Variants in RAPH1 observed in about 807,000 individuals in gnomAD.
The protein encoded by RAPH1 is ras-associated and pleckstrin homology domains-containing protein 1.
A neutral mutation model predicts 88.1 loss-of-function variants in RAPH1; 18 were observed. That is an observed-to-expected ratio of 0.20 (90% confidence interval 0.14 to 0.30). The LOEUF is 0.30. Ranked by LOEUF, RAPH1 falls within the 10% of genes least tolerant of loss-of-function variation. The pLI, the probability that RAPH1 is intolerant of heterozygous loss-of-function variation, is 1.00. For missense variants in RAPH1, 1,448 were observed against 1,543.2 expected (o/e 0.94, Z 1.03); for synonymous variants, 587 against 559.0 (o/e 1.05, Z -0.71).
At position 203,440,076 on chromosome 2, in the gene RAPH1, A is replaced by G. The variant is rs372546286; in HGVS notation, c.3114T>C (p.Pro1038=). Reference sequence around the variant, plus strand: ...ACACACACCCTTGTTGGAGAACTCCAGGAAGGTTGACTCCAGAAAGATTGA... The same window carrying G: ...ACACACACCCTTGTTGGAGAACTCCGGGAAGGTTGACTCCAGAAAGATTGA... The part of the protein sequence containing the change: ...GKLNLSGVNL[P]GVLQQGCVSA... The change falls in exon 14 of 14, where the codon CCT becomes CCC. Residue 1038 remains proline (P), a synonymous_variant. Transcript: ENST00000319170. 6.2e-6 allele frequency: 10 copies of G among 1,613,488 alleles called. No homozygotes were observed. The African/African-American group carries it at 1.2e-4, about 19-fold the overall frequency.
chr2:203,523,953 G>A (rs558831758), intron 1 of RAPH1, among the ~76,000 whole-genome samples: 65 of 152,226 alleles, frequency 4.3e-4, no homozygotes, highest in African/African-American at 1.4e-3. Context: ...GCAGTGAGCC[G>A]AGATCACGCC....
At chr2:203,474,238 G>A (rs2098535492) in intron 4 of RAPH1, among the ~76,000 whole-genome samples, 1 of 152,174 alleles carries the variant, frequency 6.6e-6, no homozygotes, top group Admixed American at 6.5e-5. Context: ...AGGAATTTCA[G>A]AAAATGTTAA....
intron 9 of RAPH1, 58 bp from the exon 10 acceptor site, chr2:203,454,598 A>T (rs1230382416): frequency 1.6e-6 from 2 of 1,246,228 alleles, no homozygotes; most frequent in Non-Finnish European, 2.3e-6. Flanking sequence ...AAGCAAATAT[A>T]CCTGGTTAAC....
intron 4 of RAPH1, among the ~76,000 whole-genome samples, chr2:203,468,723 A>C (rs967924950): frequency 2.6e-5 from 4 of 152,208 alleles, no homozygotes; most frequent in African/African-American, 7.2e-5. Context: ...TTGAATTGGC[A>C]ATGAAAATGG....
chr2:203,491,229 T>C lies in RAPH1; in HGVS notation c.211A>G (p.Ile71Val), dbSNP rs1230589638. 6 of 1,609,326 alleles carry C rather than the reference T, an allele frequency of 3.7e-6. No individual in the cohort carries two copies. Among genetic ancestry groups the C allele is most frequent in the Admixed American group, 1.7e-5 (1 of 59,984 alleles). ...TACATCTTACCATTCAAGTTGTATA[T>C]GGAGAAGCGGTAAGAAAAGTTGGCC... ...NMANFSYRFSIYNLNEALNQG... is the reference protein window; with the variant it reads ...NMANFSYRFSVYNLNEALNQG... The change falls in exon 3 of 14, where the codon ATA (isoleucine) becomes GTA (valine). Residue 71 changes from isoleucine to valine, a missense_variant. Coordinates refer to ENST00000319170, the MANE Select transcript of RAPH1 (RefSeq NM_213589.3).
chr2:203,473,280 T>C (rs1373133119), intron 4 of RAPH1, among the ~76,000 whole-genome samples: 2 of 152,046 alleles, frequency 1.3e-5, no homozygotes, highest in Admixed American at 6.6e-5. Flanking sequence ...AGCGAGACCC[T>C]GTCTCAAAAA....
At chr2:203,445,163 A>G (rs2098508366) in intron 12 of RAPH1, 153 bp from the exon 13 acceptor site, 1 of 541,104 alleles carries the variant, frequency 1.8e-6, no homozygotes, top group Non-Finnish European at 3.0e-6. Context: ...CACAGCCAGT[A>G]TTTTCTACTA....
rs755590646 is a variant in RAPH1 at position 203,491,244 on chromosome 2, A to G, written c.196T>C (p.Ser66Pro). 2 of 1,613,200 alleles carry G rather than the reference A, an allele frequency of 1.2e-6. No individual in the cohort carries two copies. Among genetic ancestry groups the G allele is most frequent in the Non-Finnish European group, 1.7e-6 (2 of 1,179,356 alleles). ...AAGTTGTATATGGAGAAGCGGTAAG[A>G]AAAGTTGGCCATGTTTGTTTCCTGG... ...LRQETNMANF[S>P]YRFSIYNLNE... Residue 66 changes from serine (S) to proline (P), a missense_variant, in exon 3 of 14, where the codon TCT becomes CCT. By Grantham distance (74) the Ser-to-Pro change is moderately conservative (BLOSUM62 -1). Transcript: ENST00000319170.
rs544501931 is a variant in RAPH1 at position 203,523,407 on chromosome 2, A to C, written c.-1+11704T>G. Among the ~76,000 whole-genome samples the C allele has an allele frequency of 2.8e-3, 422 of 151,350 alleles. 3 individuals are homozygous for C. The highest frequency in any genetic ancestry group is 3.7e-3 in the Non-Finnish European group (252 of 67,806). On this transcript the variant is annotated intron_variant, in intron 1 of 13. Coordinates refer to ENST00000319170, the MANE Select transcript of RAPH1 (RefSeq NM_213589.3). Reference sequence around the variant, plus strand: ...GACTCTGTCTCAAAAAAAAAAAAAAACCACGTCAGAACTGAGGTAGGCAAT... The same window carrying C: ...GACTCTGTCTCAAAAAAAAAAAAAACCCACGTCAGAACTGAGGTAGGCAAT...
chr2:203,509,910 C>T (rs1466997903), intron 1 of RAPH1, among the ~76,000 whole-genome samples: 1 of 152,124 alleles, frequency 6.6e-6, no homozygotes, highest in African/African-American at 2.4e-5. Flanking sequence ...GCCTTGTTCC[C>T]CCTTCACCTT....
chr2:203,463,592 G>T (rs1216221535), intron 4 of RAPH1, among the ~76,000 whole-genome samples: 2 of 152,164 alleles, frequency 1.3e-5, no homozygotes, highest in Non-Finnish European at 1.5e-5. Context: ...AGGAGCCAAT[G>T]AATTACCATA....
chr2:203,512,215 G>T (rs188459908), intron 1 of RAPH1, among the ~76,000 whole-genome samples: 3 of 151,722 alleles, frequency 2.0e-5, no homozygotes, highest in Non-Finnish European at 4.4e-5. Flanking sequence ...GACCACTTGA[G>T]GTCAGAAGTT....
At chr2:203,470,483 G>T (rs1020564134) in intron 4 of RAPH1, among the ~76,000 whole-genome samples, 4 of 152,174 alleles carry the variant, frequency 2.6e-5, no homozygotes, top group African/African-American at 9.7e-5. Flanking sequence ...TGTAAAAAAA[G>T]AAAAAGAAAA....
chr2:203,488,214 A>T (rs2105817472), intron 4 of RAPH1, among the ~76,000 whole-genome samples: 1 of 152,242 alleles, frequency 6.6e-6, no homozygotes, highest in South Asian at 2.1e-4. Flanking sequence ...TTATCCAGTC[A>T]CATGCTGAAA....
intron 1 of RAPH1, among the ~76,000 whole-genome samples, chr2:203,527,564 T>C (rs1034810946): frequency 5.9e-5 from 9 of 151,902 alleles, no homozygotes; most frequent in African/African-American, 1.5e-4. Context: ...TTTGGGAGGC[T>C]GAGGTGGGCG....
intron 4 of RAPH1, among the ~76,000 whole-genome samples, chr2:203,481,803 T>C (rs1161139395): frequency 1.3e-5 from 2 of 150,264 alleles, no homozygotes; most frequent in South Asian, 2.1e-4. Flanking sequence ...GGTTTCACCA[T>C]GTTGGCCAGG....
intron 4 of RAPH1, among the ~76,000 whole-genome samples, chr2:203,472,134 T>A (rs1019198479): frequency 4.0e-5 from 6 of 151,192 alleles, no homozygotes; most frequent in East Asian, 1.9e-4. Flanking sequence ...GTTCTTTTTT[T>A]TTTTTTTTAT....
intron 10 of RAPH1, among the ~76,000 whole-genome samples, chr2:203,450,090 CCAAT>C (rs758451198): frequency 6.6e-6 from 1 of 151,522 alleles, no homozygotes; most frequent in Non-Finnish European, 1.5e-5. Flanking sequence ...CCAAAATTCC[CCAAT>C]CATAGTCATT....
chr2:203,499,788 T>G (rs546378807), intron 1 of RAPH1, among the ~76,000 whole-genome samples: 2 of 152,296 alleles, frequency 1.3e-5, no homozygotes, highest in East Asian at 3.9e-4. Context: ...TCTTAAAGAA[T>G]TCACACTCTA....
Sources: gnomAD v4.1 joint callset for allele counts (sites outside exome capture counted in the v4.1 genomes callset) on GRCh38, gnomAD v4.1.1 for gene constraint, MANE v1.5 for transcripts, NCBI Gene and HGNC (gene_info 2026-07-23, HGNC 2026-07-21) for gene names.